The following SCARB1 variants were observed in gnomAD, a reference collection of about 807,000 sequenced individuals.
SCARB1 encodes the protein CD36 and LIMPII analogous 1.
Under a neutral mutation model 57.2 loss-of-function variants are expected in SCARB1, and 30 were observed. The observed-to-expected ratio is 0.52, with a 90% CI of 0.39 to 0.71. SCARB1 has a LOEUF of 0.71. SCARB1 is among the 30% of genes least tolerant of loss of function. The pLI, the probability that SCARB1 is intolerant of heterozygous loss-of-function variation, is 0.00. For missense variants in SCARB1, 543 were observed against 671.2 expected, an observed-to-expected ratio of 0.81 and a Z score of 2.11; for synonymous variants, 249 against 268.3, an observed-to-expected ratio of 0.93 and a Z score of 0.70.
rs1249311273 is a variant in SCARB1 at position 124,807,200 on chromosome 12, C to CA, written c.1009+560dup. 1.3e-5 allele frequency among the ~76,000 whole-genome samples: 2 copies of CA among 151,376 alleles called. No individual in the cohort carries two copies. Among genetic ancestry groups the CA allele is most frequent in the Non-Finnish European group, 1.5e-5 (1 of 67,874 alleles). On this transcript the variant is annotated intron_variant, in intron 7 of 12. Transcript: ENST00000261693. The surrounding 1 kb of genome is among the most constrained non-coding windows in gnomAD (Gnocchi z 5.3). Reference sequence around the variant, plus strand: ...TGGGTAACAGAGTGAGAGTCTGTCTCAAAAAAAATAATAATAAACAAGATG... The same window carrying CA: ...TGGGTAACAGAGTGAGAGTCTGTCTCAAAAAAAAATAATAATAAACAAGATG...
chr12:124,834,568 A>AT (rs1951548715), intron 1 of SCARB1, among the ~76,000 whole-genome samples: 1 of 152,150 alleles, frequency 6.6e-6, no homozygotes, highest in Non-Finnish European at 1.5e-5. Context: ...TTGCTTTATC[A>AT]TTGTGGTGGT....
chr12:124,854,258 GC>G (rs1267237890), intron 1 of SCARB1, among the ~76,000 whole-genome samples: 28 of 152,346 alleles, frequency 1.8e-4, no homozygotes, highest in African/African-American at 6.7e-4. Flanking sequence ...AGATGAGAGG[GC>G]TTGTGTCAGG....
Position 124,822,344 on chromosome 12 carries a change from G to T in SCARB1, c.127-4637C>A, listed in dbSNP as rs1283205491. ...TGGAATGCTACCTGGCAATCAAAAA[G>T]AACCAACCATGGATGAACACCACAA... On this transcript the variant is annotated intron_variant, in intron 1 of 12. Transcript: ENST00000261693. The surrounding 1 kb of genome is among the most constrained non-coding windows in gnomAD (Gnocchi z 5.0). 2.6e-5 allele frequency among the ~76,000 whole-genome samples: 4 copies of T among 152,064 alleles called. No individual in the cohort carries two copies. The East Asian group carries it at 7.7e-4, about 29-fold the overall frequency.
At chr12:124,845,990 C>T (rs967047114) in intron 1 of SCARB1, among the ~76,000 whole-genome samples, 5 of 151,068 alleles carry the variant, frequency 3.3e-5, no homozygotes, top group Non-Finnish European at 7.4e-5. Flanking sequence ...CCAGCCTGGG[C>T]GACAGAGCAA....
At chr12:124,787,511 A>G (rs1410852012) in intron 9 of SCARB1, 54 bp from the exon 10 acceptor site, 36 of 1,510,480 alleles carry the variant, frequency 2.4e-5, no homozygotes, top group Non-Finnish European at 3.2e-5. Flanking sequence ...CCCAAACTTG[A>G]TCTAATTCTG....
rs556367570 is a variant in SCARB1 at position 124,815,820 on chromosome 12, C to T, written c.285-706G>A. ...GGCGGACGTTGCAGTGAGCCGAGAT[C>T]GCGCCACCGCACTCCAACCTGGGTG... On this transcript the variant is annotated intron_variant, in intron 2 of 12. Coordinates refer to ENST00000261693, the MANE Select transcript of SCARB1 (RefSeq NM_005505.5). Among the ~76,000 whole-genome samples the T allele has an allele frequency of 2.0e-3, 298 of 152,152 alleles. 1 individual carries two copies. The highest frequency in any genetic ancestry group is 6.8e-3 in the African/African-American group (284 of 41,506).
chr12:124,856,219 T>C (rs949900180), intron 1 of SCARB1, among the ~76,000 whole-genome samples: 1 of 152,258 alleles, frequency 6.6e-6, no homozygotes, highest in Non-Finnish European at 1.5e-5. Flanking sequence ...TGTGTTCATG[T>C]GTGTCCATTT....
intron 12 of SCARB1, 73 bp downstream of exon 12, chr12:124,782,610 A>C: frequency 6.7e-7 from 1 of 1,487,646 alleles, no homozygotes; most frequent in East Asian, 2.3e-5. Context: ...AGGACCCCAA[A>C]TGTTTTAAGC....
At chr12:124,778,816 T>C (rs1872802182) in intron 12 of SCARB1, among the ~76,000 whole-genome samples, 1 of 152,022 alleles carries the variant, frequency 6.6e-6, no homozygotes, top group Non-Finnish European at 1.5e-5. Context: ...CCTTTAGAGA[T>C]GGAGAAACTG....
intron 8 of SCARB1, 41 bp from the exon 9 acceptor site, chr12:124,795,309 G>A (rs1406796142): frequency 1.2e-5 from 18 of 1,521,740 alleles, no homozygotes; most frequent in Non-Finnish European, 1.6e-5. Flanking sequence ...CCACCCCCAA[G>A]CTCCAGGGAC....
At chr12:124,788,571 G>A (rs1949608663) in intron 9 of SCARB1, among the ~76,000 whole-genome samples, 1 of 152,252 alleles carries the variant, frequency 6.6e-6, no homozygotes, top group South Asian at 2.1e-4. Flanking sequence ...TGACCTTGAG[G>A]ATGGAAGCCA....
chr12:124,819,966 C>A (rs1398638339), intron 1 of SCARB1, among the ~76,000 whole-genome samples: 1 of 152,210 alleles, frequency 6.6e-6, no homozygotes, highest in Non-Finnish European at 1.5e-5. Flanking sequence ...AATGAAGAAG[C>A]TGAATTCTTT....
At position 124,777,048 on chromosome 12, in the gene SCARB1, G is replaced by C. The variant is rs902968121; in HGVS notation, c.*1539C>G. On this transcript the variant is annotated 3_prime_UTR_variant, in exon 13 of 13. Coordinates refer to ENST00000261693, the MANE Select transcript of SCARB1 (RefSeq NM_005505.5). ...TGTTCGTATATTCTTTGAAATGTTC[G>C]GCAGTGAATACCCTCTCCTCTCCTA... 1 of 152,106 alleles carries C rather than the reference G, an allele frequency of 6.6e-6. No homozygotes were observed. The highest frequency in any genetic ancestry group is 6.6e-5 in the Admixed American group (1 of 15,260). 9.4% of individuals were successfully genotyped at this position (152,106 alleles called of 1,614,324 possible). A position where few individuals can be genotyped will look rare whatever the true frequency, so the allele number is the denominator to read the frequency against.
chr12:124,808,097 C>T (rs921628668), intron 6 of SCARB1, among the ~76,000 whole-genome samples, 170 bp from the exon 7 acceptor site: 1 of 152,172 alleles, frequency 6.6e-6, no homozygotes, highest in African/African-American at 2.4e-5. Context: ...CCTAACAGGC[C>T]TCTCCGCTCC....
At chr12:124,837,066 A>C (rs1951676412) in intron 1 of SCARB1, among the ~76,000 whole-genome samples, 1 of 152,124 alleles carries the variant, frequency 6.6e-6, no homozygotes, top group African/African-American at 2.4e-5. Flanking sequence ...GAGATGAATC[A>C]AGCACAACCT....
At chr12:124,824,120 G>C (rs2135717109) in intron 1 of SCARB1, among the ~76,000 whole-genome samples, 1 of 148,952 alleles carries the variant, frequency 6.7e-6, no homozygotes, top group Non-Finnish European at 1.5e-5. Flanking sequence ...GTTGCAGTGA[G>C]AGCCGAGATC....
chr12:124,815,177 C>A, intron 2 of SCARB1, 63 bp from the exon 3 acceptor site: 1 of 1,581,970 alleles, frequency 6.3e-7, no homozygotes, highest in East Asian at 2.2e-5. Context: ...CCCTTCTACT[C>A]GCCTGCAATG....
At chr12:124,823,973 T>A (rs1009304748) in intron 1 of SCARB1, among the ~76,000 whole-genome samples, 42 of 151,608 alleles carry the variant, frequency 2.8e-4, no homozygotes, top group African/African-American at 9.4e-4. Flanking sequence ...AAGACCAGCC[T>A]GGCCAACATG....
intron 1 of SCARB1, among the ~76,000 whole-genome samples, chr12:124,834,368 C>G (rs1181554711): frequency 1.3e-5 from 2 of 152,246 alleles, no homozygotes; most frequent in Non-Finnish European, 2.9e-5. Context: ...TGAGCCACAG[C>G]CCCTGAGGCC....
Sources: gnomAD v4.1 joint callset for allele counts (sites outside exome capture counted in the v4.1 genomes callset) on GRCh38, gnomAD v4.1.1 for gene constraint, Gnocchi (gnomAD v3.1) non-coding constraint, MANE v1.5 for transcripts, NCBI Gene and HGNC (gene_info 2026-07-23, HGNC 2026-07-21) for gene names.